The following MLLT3 variants were observed in gnomAD, a reference collection of about 807,000 sequenced individuals.
MLLT3 encodes MLLT3 super elongation complex subunit.
Under a neutral mutation model 53.2 loss-of-function variants are expected in MLLT3, and 4 were observed. The observed-to-expected ratio is 0.08, with a 90% confidence interval of 0.04 to 0.17. The LOEUF is 0.17. Ranked by LOEUF, MLLT3 falls within the 10% of genes least tolerant of loss-of-function variation. The probability of loss-of-function intolerance (pLI) is 1.00; values close to 1 mark genes in which losing one functional copy is unlikely to be tolerated. For synonymous variants in MLLT3, 283 were observed against 230.6 expected, an observed-to-expected ratio of 1.23 and a Z score of -2.06; for missense variants, 569 against 684.0, an observed-to-expected ratio of 0.83 and a Z score of 1.87.
chr9:20,583,790 A>G (rs1474549529), intron 2 of MLLT3, among the ~76,000 whole-genome samples: 1 of 152,038 alleles, frequency 6.6e-6, no homozygotes, highest in Non-Finnish European at 1.5e-5. Flanking sequence ...CCAGCCCACA[A>G]AACCACTTTT....
At chr9:20,584,112 C>A (rs1430834763) in intron 2 of MLLT3, among the ~76,000 whole-genome samples, 1 of 152,306 alleles carries the variant, frequency 6.6e-6, no homozygotes, top group Admixed American at 6.5e-5. Flanking sequence ...TAAATCATCT[C>A]TCTCAAGTTC....
intron 5 of MLLT3, among the ~76,000 whole-genome samples, chr9:20,379,308 A>C (rs374483036): frequency 3.9e-5 from 6 of 152,074 alleles, no homozygotes; most frequent in African/African-American, 1.4e-4. Flanking sequence ...CTTTAAATAC[A>C]CTGAAGTCCC....
intron 4 of MLLT3, among the ~76,000 whole-genome samples, chr9:20,416,259 A>T (rs910231831): frequency 6.6e-6 from 1 of 152,024 alleles, no homozygotes; most frequent in Non-Finnish European, 1.5e-5. Context: ...GAAAATTTGC[A>T]ATCAGTATTC....
chr9:20,388,663 A>T (rs954007978), intron 5 of MLLT3, among the ~76,000 whole-genome samples: 1 of 152,164 alleles, frequency 6.6e-6, no homozygotes, highest in African/African-American at 2.4e-5. Context: ...AACAAAGAAT[A>T]AACAGGAAGA....
At chr9:20,354,702 G>T in intron 9 of MLLT3, 106 bp downstream of exon 9, 1 of 768,834 alleles carries the variant, frequency 1.3e-6, no homozygotes, top group Non-Finnish European at 2.2e-6. Context: ...TGGACACTTT[G>T]ATGAAGAAAA....
intron 2 of MLLT3, among the ~76,000 whole-genome samples, chr9:20,529,400 A>T (rs970353269): frequency 6.6e-6 from 1 of 152,220 alleles, no homozygotes; most frequent in African/African-American, 2.4e-5. Context: ...ATATGTTCAG[A>T]TTAAAAGTTC....
At chr9:20,543,708 A>G (rs568571585) in intron 2 of MLLT3, among the ~76,000 whole-genome samples, 1 of 151,100 alleles carries the variant, frequency 6.6e-6, no homozygotes, top group Non-Finnish European at 1.5e-5. Flanking sequence ...GAGGAAGAGG[A>G]GGAGGACGGA....
chr9:20,404,650 G>A (rs767076729), intron 5 of MLLT3, among the ~76,000 whole-genome samples: 18 of 152,108 alleles, frequency 1.2e-4, no homozygotes, highest in Admixed American at 3.3e-4. Flanking sequence ...GAGTACAGGC[G>A]TGCACTACCA....
intron 5 of MLLT3, among the ~76,000 whole-genome samples, chr9:20,369,616 T>C (rs1440028187): frequency 6.6e-6 from 1 of 152,222 alleles, no homozygotes; most frequent in Non-Finnish European, 1.5e-5. Context: ...AGGCTGACAC[T>C]GTCTTACATT....
chr9:20,360,793 T>G lies in MLLT3; in HGVS notation c.1380A>C (p.Ser460=), dbSNP rs2118633526. Reference sequence around the variant, plus strand: ...GTGGTGGAGGTTCGTGATGTAGGGGTGAAGAAGCAGAACTGCTTTCACTAT... The same window carrying G: ...GTGGTGGAGGTTCGTGATGTAGGGGGGAAGAAGCAGAACTGCTTTCACTAT... ...GSDSESSSAS[S]PLHHEPPPPL... The change falls in exon 8 of 11, where the codon TCA becomes TCC. Residue 460 remains serine, a synonymous_variant. Coordinates refer to ENST00000380338, the MANE Select transcript of MLLT3 (RefSeq NM_004529.4). The G allele has an allele frequency of 6.2e-7, 1 of 1,614,044 alleles. No individual in the cohort carries two copies.
chr9:20,412,708 C>G (rs1474440711), intron 5 of MLLT3, among the ~76,000 whole-genome samples: 1 of 151,990 alleles, frequency 6.6e-6, no homozygotes, highest in African/African-American at 2.4e-5. Flanking sequence ...GAAATACGGT[C>G]AAGCCAATGT....
intron 2 of MLLT3, among the ~76,000 whole-genome samples, chr9:20,531,205 G>A (rs889699727): frequency 3.4e-5 from 5 of 148,414 alleles, no homozygotes; most frequent in African/African-American, 1.2e-4. Flanking sequence ...GCGCGATCTC[G>A]GCTCACTGCA....
rs1385268469 is a variant in MLLT3 at position 20,346,161 on chromosome 9, T to A, written c.*282A>T. ...TTTTCTTGTGTTGTGTTTGATTTGT[T>A]TGTTTTCAAGGCTATCCAGGCTAAC... is the stretch of plus-strand genomic sequence containing the variant. On this transcript the variant is annotated 3_prime_UTR_variant, in exon 11 of 11. Transcript: ENST00000380338. 2 of 346,314 alleles carry A rather than the reference T, an allele frequency of 5.8e-6. No homozygotes were observed. Among genetic ancestry groups the A allele is most frequent in the African/African-American group, 4.2e-5 (2 of 47,884 alleles). 21.5% of individuals were successfully genotyped at this position (346,314 alleles called of 1,614,324 possible).
rs554264882 is a variant in MLLT3, at chr9:20,434,450, C to T, written c.420+13673G>A. On this transcript the variant is annotated intron_variant, in intron 4 of 10. Coordinates refer to ENST00000380338, the MANE Select transcript of MLLT3 (RefSeq NM_004529.4). ...TAGTATTTGGGGAAGCCCCACATCT[C>T]AATCTATGCACAGTGGACTAAGGGA... Among the ~76,000 whole-genome samples the T allele has an allele frequency of 1.4e-4, 21 of 152,246 alleles. 1 individual carries two copies. In the South Asian group the frequency reaches 4.4e-3, roughly 32 times the overall value.
chr9:20,459,135 G>T (rs1429312852), intron 2 of MLLT3, among the ~76,000 whole-genome samples: 2 of 152,140 alleles, frequency 1.3e-5, no homozygotes, highest in African/African-American at 4.8e-5. Context: ...TTACAGAAAT[G>T]ATGTTGATAA....
intron 2 of MLLT3, among the ~76,000 whole-genome samples, chr9:20,570,681 T>C: frequency 6.6e-6 from 1 of 152,218 alleles, no homozygotes; most frequent in East Asian, 1.9e-4. Context: ...GGTCCAACTT[T>C]TATGAACACT....
chr9:20,449,253 C>A (rs1823782288), intron 3 of MLLT3, among the ~76,000 whole-genome samples: 1 of 152,220 alleles, frequency 6.6e-6, no homozygotes, highest in African/African-American at 2.4e-5. Context: ...CATCATTGTG[C>A]CCTCAAAGAC....
intron 2 of MLLT3, among the ~76,000 whole-genome samples, chr9:20,592,101 T>C (rs931327330): frequency 3.3e-5 from 5 of 152,226 alleles, no homozygotes; most frequent in Non-Finnish European, 1.5e-5. Context: ...GGCAAGCCTA[T>C]GAGTAAACAT....
intron 2 of MLLT3, among the ~76,000 whole-genome samples, chr9:20,492,732 TCGC>T (rs1186852986): frequency 2.0e-5 from 3 of 151,938 alleles, no homozygotes; most frequent in African/African-American, 7.2e-5. Context: ...GCAAAAGAAT[TCGC>T]CTGAAAACTA....
Sources: gnomAD v4.1 joint callset for allele counts (sites outside exome capture counted in the v4.1 genomes callset) on GRCh38, gnomAD v4.1.1 for gene constraint, MANE v1.5 for transcripts, NCBI Gene and HGNC (gene_info 2026-07-23, HGNC 2026-07-21) for gene names.